The following OSBPL8 variants were observed in gnomAD, a reference collection of about 807,000 sequenced individuals.
OSBPL8 encodes the protein oxysterol-binding protein-related protein 8.
OSBPL8 carries 59 observed loss-of-function variants against 125.5 expected under a neutral mutation model. The observed-to-expected ratio is 0.47, with a 90% CI of 0.38 to 0.58. The LOEUF is 0.58. Among genes scored for constraint, OSBPL8 ranks in the 20% least tolerant of loss-of-function variants. The pLI is 0.00. For missense variants in OSBPL8, 758 were observed against 1,047.8 expected (o/e 0.72, Z 3.82); for synonymous variants, 330 against 338.9 (o/e 0.97, Z 0.29).
chr12:76,416,826 C>T (rs1337807342), intron 4 of OSBPL8, among the ~76,000 whole-genome samples: 1 of 151,970 alleles, frequency 6.6e-6, no homozygotes, highest in African/African-American at 2.4e-5. Flanking sequence ...TTATTTTGGA[C>T]TTTCTATTTG....
intron 1 of OSBPL8, among the ~76,000 whole-genome samples, chr12:76,494,280 T>C (rs1352117583): frequency 2.6e-5 from 4 of 152,164 alleles, no homozygotes; most frequent in African/African-American, 7.2e-5. Flanking sequence ...TCAGACTTTA[T>C]AGTGGTTTTG....
intron 4 of OSBPL8, among the ~76,000 whole-genome samples, chr12:76,427,798 C>A (rs1870325362): frequency 6.6e-6 from 1 of 151,952 alleles, no homozygotes; most frequent in African/African-American, 2.4e-5. Flanking sequence ...AGATTCTGGT[C>A]TATGGATAAA....
Position 76,375,144 on chromosome 12 carries a change from A to T in OSBPL8, c.1827+129T>A, listed in dbSNP as rs1344943969. The T allele has an allele frequency of 6.5e-6, 4 of 610,800 alleles. No individual in the cohort carries two copies. In the African/African-American group the frequency reaches 7.4e-5, roughly 11 times the overall value. 37.8% of individuals were successfully genotyped at this position (610,800 alleles called of 1,614,324 possible). A position where few individuals can be genotyped will look rare whatever the true frequency, so the allele number is the denominator to read the frequency against. ...TTGCCCTTATTCCTTAGATGCACTT[A>T]TCCTTGACATGACATAAATTGTGTT... is the stretch of plus-strand genomic sequence containing the variant. On this transcript the variant is annotated intron_variant, in intron 17 of 23. Coordinates refer to ENST00000261183, the MANE Select transcript of OSBPL8 (RefSeq NM_020841.5).
At chr12:76,422,427 A>G in intron 4 of OSBPL8, 1 of 417,728 alleles carries the variant, frequency 2.4e-6, no homozygotes, top group Non-Finnish European at 4.8e-6. Context: ...TTTAAATGAA[A>G]GCGGCTTTAA....
chr12:76,449,884 A>G (rs1333002730), intron 4 of OSBPL8, among the ~76,000 whole-genome samples: 1 of 152,150 alleles, frequency 6.6e-6, no homozygotes, highest in Non-Finnish European at 1.5e-5. Context: ...CAGATTCCAG[A>G]TTGCAATTAA....
chr12:76,487,022 T>A (rs1028536883), intron 2 of OSBPL8, among the ~76,000 whole-genome samples: 2 of 44,006 alleles, frequency 4.5e-5, no homozygotes, highest in Non-Finnish European at 1.1e-4. Flanking sequence ...GCAATTTTCA[T>A]TTTTTTTTTT....
chr12:76,474,921 C>T (rs1044237002), intron 2 of OSBPL8, among the ~76,000 whole-genome samples: 9 of 152,304 alleles, frequency 5.9e-5, no homozygotes, highest in South Asian at 4.2e-4. Context: ...ACTTCTGAAC[C>T]GGTGACTTTT....
At chr12:76,428,666 G>A (rs1258165922) in intron 4 of OSBPL8, among the ~76,000 whole-genome samples, 1 of 151,920 alleles carries the variant, frequency 6.6e-6, no homozygotes, top group African/African-American at 2.4e-5. Context: ...CAACCAACAC[G>A]AATTTAAGAA....
rs770712279 is a variant in OSBPL8 at position 76,407,243 on chromosome 12, C to CAT, written c.288+3319_288+3320dup. Among the ~76,000 whole-genome samples, 32 of 152,208 alleles carry CAT rather than the reference C, an allele frequency of 2.1e-4. 2 individuals are homozygous for CAT. Among genetic ancestry groups the CAT allele is most frequent in the East Asian group, 1.4e-3 (7 of 5,184 alleles). ...AAAACAAGAGAGTTGGTTGCATGCT[C>CAT]ATATATATACACAAATTTATATATT... On this transcript the variant is annotated intron_variant, in intron 5 of 23. Coordinates refer to ENST00000261183, the MANE Select transcript of OSBPL8 (RefSeq NM_020841.5).
intron 1 of OSBPL8, among the ~76,000 whole-genome samples, chr12:76,510,506 TAC>T (rs1327301092): frequency 2.0e-5 from 3 of 152,220 alleles, no homozygotes; most frequent in Non-Finnish European, 4.4e-5. Context: ...TCATAAAATT[TAC>T]AGTTTATAGA....
intron 1 of OSBPL8, among the ~76,000 whole-genome samples, chr12:76,503,013 G>A (rs1880060632): frequency 6.6e-6 from 1 of 152,072 alleles, no homozygotes; most frequent in African/African-American, 2.4e-5. Context: ...TTCAGTTACA[G>A]AATAACAAGA....
At chr12:76,450,636 T>G (rs1440991010) in intron 4 of OSBPL8, among the ~76,000 whole-genome samples, 1 of 151,924 alleles carries the variant, frequency 6.6e-6, no homozygotes, top group Non-Finnish European at 1.5e-5. Context: ...TAACGAAGTA[T>G]GTTGGAGAAT....
intron 4 of OSBPL8, among the ~76,000 whole-genome samples, chr12:76,440,647 C>A (rs1872079073): frequency 6.6e-6 from 1 of 152,128 alleles, no homozygotes; most frequent in South Asian, 2.1e-4. Context: ...CCCATCATTT[C>A]ACCTAGAATC....
At chr12:76,433,047 T>C (rs1288629042) in intron 4 of OSBPL8, among the ~76,000 whole-genome samples, 1 of 152,098 alleles carries the variant, frequency 6.6e-6, no homozygotes, top group Non-Finnish European at 1.5e-5. Flanking sequence ...ACAAAAACTC[T>C]CAACAAAATA....
At chr12:76,471,996 C>T (rs911968070) in intron 2 of OSBPL8, among the ~76,000 whole-genome samples, 1 of 152,186 alleles carries the variant, frequency 6.6e-6, no homozygotes. Context: ...TTCTGATCCC[C>T]TCTGCATCGT....
chr12:76,388,830 T>A (rs1953434071), intron 12 of OSBPL8, among the ~76,000 whole-genome samples: 1 of 152,224 alleles, frequency 6.6e-6, no homozygotes, highest in African/African-American at 2.4e-5. Context: ...TTTCCCAGTT[T>A]ACCAATTATT....
intron 2 of OSBPL8, among the ~76,000 whole-genome samples, chr12:76,468,658 G>A (rs1875749296): frequency 6.6e-6 from 1 of 152,104 alleles, no homozygotes; most frequent in Admixed American, 6.5e-5. Context: ...TAAAGTTATC[G>A]TTCTCCAACT....
chr12:76,435,155 CGTGT>C (rs71082308), intron 4 of OSBPL8, among the ~76,000 whole-genome samples: 48,201 of 146,360 alleles, frequency 0.33, 7,696 homozygotes, highest in Non-Finnish European at 0.37. Context: ...TATATATCTA[CGTGT>C]GTGTGTGTGT....
intron 1 of OSBPL8, among the ~76,000 whole-genome samples, chr12:76,531,801 GC>G (rs768906108): frequency 2.0e-4 from 31 of 152,226 alleles, no homozygotes; most frequent in Admixed American, 1.6e-3. Context: ...ACTTTGGGAA[GC>G]CGAGGCAGGC....
Sources: gnomAD v4.1 joint callset for allele counts (sites outside exome capture counted in the v4.1 genomes callset) on GRCh38, gnomAD v4.1.1 for gene constraint, MANE v1.5 for transcripts, NCBI Gene and HGNC (gene_info 2026-07-23, HGNC 2026-07-21) for gene names.